The following KCNS3 variants were observed in gnomAD, a reference collection of about 807,000 sequenced individuals.
KCNS3 encodes potassium voltage-gated channel modifier subfamily S member 3.
KCNS3 carries 13 observed loss-of-function variants against 31.0 expected under a neutral mutation model. The observed-to-expected ratio is 0.42, with a 90% CI of 0.27 to 0.67. The LOEUF (loss-of-function observed/expected upper bound fraction) is 0.67, where lower values mean the gene tolerates loss of function less well. Among genes scored for constraint, KCNS3 ranks in the 30% least tolerant of loss-of-function variants. The probability of loss-of-function intolerance (pLI) is 0.25; values close to 1 mark genes in which losing one functional copy is unlikely to be tolerated. For missense variants in KCNS3, 545 were observed against 622.4 expected, an observed-to-expected ratio of 0.88 and a Z score of 1.32; for synonymous variants, 238 against 241.5, an observed-to-expected ratio of 0.99 and a Z score of 0.13.
chr2:17,914,099 C>G (rs890313958), intron 1 of KCNS3, among the ~76,000 whole-genome samples: 7 of 152,194 alleles, frequency 4.6e-5, no homozygotes, highest in Non-Finnish European at 7.3e-5. Flanking sequence ...CTTAGCCTTG[C>G]AACTACAGAA....
At chr2:17,921,958 T>TATATAA (rs1284771923) in intron 2 of KCNS3, among the ~76,000 whole-genome samples, 18 of 133,850 alleles carry the variant, frequency 1.3e-4, no homozygotes, top group African/African-American at 3.6e-4. Flanking sequence ...TATATATATA[T>TATATAA]AAATACATAT....
At chr2:17,886,881 C>T (rs1295687415) in intron 1 of KCNS3, among the ~76,000 whole-genome samples, 2 of 152,158 alleles carry the variant, frequency 1.3e-5, no homozygotes, top group African/African-American at 4.8e-5. Flanking sequence ...AAAGTAGGCT[C>T]TTTTAAGATG....
At chr2:17,909,030 T>G (rs1258620388) in intron 1 of KCNS3, among the ~76,000 whole-genome samples, 1 of 152,148 alleles carries the variant, frequency 6.6e-6, no homozygotes, top group East Asian at 1.9e-4. Context: ...TCTGCTGCCT[T>G]TTGTTTGGCT....
intron 1 of KCNS3, among the ~76,000 whole-genome samples, chr2:17,884,303 A>ATT (rs1674719676): frequency 7.2e-6 from 1 of 138,370 alleles, no homozygotes; most frequent in East Asian, 2.2e-4. Flanking sequence ...ATATATATAT[A>ATT]TTTAAAAAGA....
intron 1 of KCNS3, among the ~76,000 whole-genome samples, chr2:17,911,684 A>G (rs1463801001): frequency 6.6e-6 from 1 of 152,212 alleles, no homozygotes; most frequent in Non-Finnish European, 1.5e-5. Context: ...ATCATGCTAT[A>G]TATTGCGTCA....
intron 1 of KCNS3, among the ~76,000 whole-genome samples, chr2:17,902,919 A>T (rs1662220312): frequency 6.6e-6 from 1 of 152,200 alleles, no homozygotes; most frequent in Non-Finnish European, 1.5e-5. Context: ...ATATAATTTG[A>T]TCCAGCCAAT....
At chr2:17,907,635 G>C (rs1315854932) in intron 1 of KCNS3, among the ~76,000 whole-genome samples, 1 of 152,162 alleles carries the variant, frequency 6.6e-6, no homozygotes, top group Non-Finnish European at 1.5e-5. Flanking sequence ...TCCTTCAGGA[G>C]CTCTTGTAAG....
At chr2:17,886,690 A>G (rs909195613) in intron 1 of KCNS3, among the ~76,000 whole-genome samples, 3 of 145,402 alleles carry the variant, frequency 2.1e-5, no homozygotes, top group African/African-American at 8.3e-5. Flanking sequence ...CCGTCCATCC[A>G]TCCATCCATC....
intron 1 of KCNS3, among the ~76,000 whole-genome samples, chr2:17,898,334 C>G (rs1053350643): frequency 1.4e-5 from 2 of 140,808 alleles, no homozygotes; most frequent in Non-Finnish European, 3.1e-5. Context: ...TTGTCTAATT[C>G]TTTAAAAATG....
At chr2:17,904,541 A>AT (rs1343853908) in intron 1 of KCNS3, among the ~76,000 whole-genome samples, 3 of 152,182 alleles carry the variant, frequency 2.0e-5, no homozygotes, top group African/African-American at 7.2e-5. Flanking sequence ...GCCCATGCCT[A>AT]TGTCCTGAAT....
At chr2:17,928,425 CCCAG>C (rs2125254466) in intron 2 of KCNS3, among the ~76,000 whole-genome samples, 1 of 152,204 alleles carries the variant, frequency 6.6e-6, no homozygotes, top group Non-Finnish European at 1.5e-5. Context: ...TGACACCATG[CCCAG>C]CTAATTTTTG....
intron 1 of KCNS3, among the ~76,000 whole-genome samples, chr2:17,911,586 T>C (rs529612061): frequency 3.3e-4 from 50 of 152,328 alleles, no homozygotes; most frequent in African/African-American, 1.1e-3. Flanking sequence ...GCAAAATCAC[T>C]CCAAATTCCA....
At chr2:17,898,945 A>G (rs1036776083) in intron 1 of KCNS3, among the ~76,000 whole-genome samples, 2 of 152,120 alleles carry the variant, frequency 1.3e-5, no homozygotes, top group African/African-American at 4.8e-5. Context: ...AAATAACAAT[A>G]GACTGGGTGC....
intron 1 of KCNS3, among the ~76,000 whole-genome samples, chr2:17,880,570 G>A (rs572769086): frequency 6.6e-6 from 1 of 152,298 alleles, no homozygotes; most frequent in South Asian, 2.1e-4. Context: ...GGAGACTTGC[G>A]GGATCAGTAT....
At chr2:17,896,230 G>A (rs989858863) in intron 1 of KCNS3, among the ~76,000 whole-genome samples, 1 of 151,720 alleles carries the variant, frequency 6.6e-6, no homozygotes, top group African/African-American at 2.4e-5. Flanking sequence ...TTATTTTTTT[G>A]TAGAGGTGGG....
rs1383437364 is a variant in KCNS3 at position 17,878,754 on chromosome 2, G to C, written c.-304G>C. ...CCGCGAGGCCTGATCCCTGCAGCGC[G>C]GGCAGGCGGCGTCGCAGAGCGGAGC... On this transcript the variant is annotated 5_prime_UTR_variant, in exon 1 of 3. Coordinates refer to ENST00000304101, the MANE Select transcript of KCNS3 (RefSeq NM_002252.5). 6.6e-6 allele frequency: 1 copy of C among 151,756 alleles called. No homozygotes were observed. Among genetic ancestry groups the C allele is most frequent in the Non-Finnish European group, 1.5e-5 (1 of 67,906 alleles). 9.4% of individuals were successfully genotyped at this position (151,756 alleles called of 1,614,324 possible).
In KCNS3 at chr2:17,931,392, C is replaced by A; in HGVS notation, c.384C>A (p.Asn128Lys). The part of the protein sequence containing the change: ...SNRYQERKEE[N>K]HEKDWDQKSH... Reference sequence around the variant, plus strand: ...GCTACCAGGAACGCAAGGAGGAAAACCACGAGAAGGACTGGGACCAGAAAA... The same window carrying A: ...GCTACCAGGAACGCAAGGAGGAAAAACACGAGAAGGACTGGGACCAGAAAA... Residue 128 changes from asparagine to lysine, a missense_variant, in exon 3 of 3, where the codon AAC becomes AAA. Asn to Lys is a moderately conservative substitution (Grantham distance 94, BLOSUM62 0). Transcript: ENST00000304101. The surrounding 1 kb of genome is among the most constrained non-coding windows in gnomAD (Gnocchi z 5.4). The A allele has an allele frequency of 1.2e-6, 2 of 1,614,136 alleles. No individual in the cohort carries two copies. Among genetic ancestry groups the A allele is most frequent in the Non-Finnish European group, 8.5e-7 (1 of 1,180,024 alleles).
intron 1 of KCNS3, among the ~76,000 whole-genome samples, chr2:17,887,484 G>GATCGATCTATCTATCTATCC (rs1553341246): frequency 6.8e-6 from 1 of 146,242 alleles, no homozygotes; most frequent in East Asian, 2.0e-4. Context: ...TCTATCATAT[G>GATCGATCTATCTATCTATCC]ATCTATCTAT....
At chr2:17,919,953 C>T (rs1006165425) in intron 2 of KCNS3, among the ~76,000 whole-genome samples, 1 of 152,080 alleles carries the variant, frequency 6.6e-6, no homozygotes, top group African/African-American at 2.4e-5. Flanking sequence ...TTTAGGTTTC[C>T]AATTCTGTTT....
Sources: allele counts gnomAD v4.1 joint callset (sites outside exome capture counted in the v4.1 genomes callset), GRCh38; gene constraint gnomAD v4.1.1; non-coding constraint Gnocchi (gnomAD v3.1); transcripts MANE v1.5; gene names NCBI Gene and HGNC (gene_info 2026-07-23, HGNC 2026-07-21).